Variants in FBXL17 observed in about 807,000 individuals in gnomAD.
The protein encoded by FBXL17 is F-box/LRR-repeat protein 17.
In FBXL17, 22 loss-of-function variants were observed where a neutral mutation model predicts 66.2. The observed-to-expected ratio is 0.33, with a 90% CI of 0.24 to 0.47. The LOEUF (loss-of-function observed/expected upper bound fraction) is 0.47, where lower values mean the gene tolerates loss of function less well. Among genes scored for constraint, FBXL17 ranks in the 20% least tolerant of loss-of-function variants. The pLI, the probability that FBXL17 is intolerant of heterozygous loss-of-function variation, is 1.00. For missense variants in FBXL17, 878 were observed against 948.2 expected, an observed-to-expected ratio of 0.93 and a Z score of 0.97; for synonymous variants, 474 against 400.5, an observed-to-expected ratio of 1.18 and a Z score of -2.19.
chr5:108,127,860 GAAT>G (rs879328141), intron 6 of FBXL17, among the ~76,000 whole-genome samples: 7 of 152,106 alleles, frequency 4.6e-5, no homozygotes, highest in Admixed American at 2.6e-4. Context: ...CAAAATCTTT[GAAT>G]AATAACCCCC....
chr5:108,374,437 C>T (rs1025889261), intron 1 of FBXL17, among the ~76,000 whole-genome samples: 1 of 151,984 alleles, frequency 6.6e-6, no homozygotes, highest in Non-Finnish European at 1.5e-5. Flanking sequence ...TTTGGGAGGC[C>T]GAGGGAGGCA....
chr5:108,210,421 C>A (rs192999298), intron 5 of FBXL17, among the ~76,000 whole-genome samples: 3 of 152,286 alleles, frequency 2.0e-5, no homozygotes, highest in Admixed American at 2.0e-4. Context: ...AATTTTAGAT[C>A]TTTCCTGCTT....
At chr5:108,203,779 A>G (rs1753997059) in intron 5 of FBXL17, among the ~76,000 whole-genome samples, 1 of 152,176 alleles carries the variant, frequency 6.6e-6, no homozygotes, top group Admixed American at 6.6e-5. Context: ...TTAAAAGGCA[A>G]GAAAGTTAAT....
At chr5:107,966,627 G>C (rs564918848) in intron 7 of FBXL17, among the ~76,000 whole-genome samples, 1 of 151,996 alleles carries the variant, frequency 6.6e-6, no homozygotes, top group Non-Finnish European at 1.5e-5. Context: ...ATTTTTGTTC[G>C]ACCTCACTTC....
intron 6 of FBXL17, among the ~76,000 whole-genome samples, chr5:108,116,710 A>G (rs1269296132): frequency 6.7e-6 from 1 of 149,056 alleles, no homozygotes; most frequent in African/African-American, 2.5e-5. Context: ...GAATGGGATG[A>G]TAGATGAATA....
chr5:108,078,107 A>T (rs532944156), intron 6 of FBXL17, among the ~76,000 whole-genome samples: 28 of 152,340 alleles, frequency 1.8e-4, no homozygotes, highest in Non-Finnish European at 1.9e-4. Flanking sequence ...TTCTACAGAA[A>T]TGCCTCTTGT....
intron 6 of FBXL17, among the ~76,000 whole-genome samples, chr5:108,129,897 T>C (rs1750864808): frequency 6.6e-6 from 1 of 150,926 alleles, no homozygotes; most frequent in East Asian, 1.9e-4. Context: ...TTAATCTAAA[T>C]AACCCATTTT....
At chr5:108,002,551 A>G (rs1362574262) in intron 7 of FBXL17, among the ~76,000 whole-genome samples, 1 of 152,228 alleles carries the variant, frequency 6.6e-6, no homozygotes, top group Non-Finnish European at 1.5e-5. Flanking sequence ...AAATGAGAAC[A>G]CGTGTTCAAA....
chr5:108,234,319 G>C (rs948385967), intron 4 of FBXL17, among the ~76,000 whole-genome samples: 2 of 152,116 alleles, frequency 1.3e-5, no homozygotes, highest in African/African-American at 4.8e-5. Context: ...CTTAACGTGT[G>C]CCCAGCTAAG....
At chr5:108,005,263 C>T (rs1050714614) in intron 7 of FBXL17, among the ~76,000 whole-genome samples, 1 of 152,014 alleles carries the variant, frequency 6.6e-6, no homozygotes, top group South Asian at 2.1e-4. Flanking sequence ...CTGGACGATA[C>T]GTAAAGTATC....
At chr5:107,968,284 G>C (rs1378904161) in intron 7 of FBXL17, among the ~76,000 whole-genome samples, 1 of 152,090 alleles carries the variant, frequency 6.6e-6, no homozygotes, top group East Asian at 1.9e-4. Flanking sequence ...TTTGAACACA[G>C]ATCCAGTGCT....
intron 2 of FBXL17, among the ~76,000 whole-genome samples, chr5:108,367,506 C>A (rs1211829626): frequency 6.6e-6 from 1 of 151,878 alleles, no homozygotes; most frequent in Non-Finnish European, 1.5e-5. Context: ...AAATGTTTGC[C>A]ATCATTTTCT....
intron 3 of FBXL17, among the ~76,000 whole-genome samples, chr5:108,355,594 A>C (rs1747937761): frequency 2.0e-5 from 3 of 152,114 alleles, no homozygotes; most frequent in African/African-American, 7.2e-5. Context: ...GAAAACTTTA[A>C]AATATTTTGT....
intron 6 of FBXL17, among the ~76,000 whole-genome samples, chr5:108,052,112 CAAAAAAA>C (rs144705189): frequency 3.8e-4 from 39 of 102,188 alleles, no homozygotes; most frequent in African/African-American, 1.0e-3. Context: ...GACTTCGTCT[CAAAAAAA>C]AAAAAAAAAA....
Position 108,291,176 on chromosome 5 carries a change from A to G in FBXL17, c.1506+57223T>C, listed in dbSNP as rs2941701. On this transcript the variant is annotated intron_variant, in intron 4 of 8. Transcript: ENST00000542267. ...GAAATAAATGATATGAGTGGCAATG[A>G]TATCAAAACAATTATTGTCACCCAC... Among the ~76,000 whole-genome samples, 5 of 152,314 alleles carry G rather than the reference A, an allele frequency of 3.3e-5. No individual in the cohort carries two copies. In the East Asian group the frequency reaches 5.8e-4, roughly 18 times the overall value.
At chr5:108,089,166 C>T (rs558572588) in intron 6 of FBXL17, among the ~76,000 whole-genome samples, 1 of 152,278 alleles carries the variant, frequency 6.6e-6, no homozygotes, top group Admixed American at 6.5e-5. Flanking sequence ...TATCATAAAA[C>T]GAAATGCTCT....
At chr5:108,372,119 G>A (rs1749080884) in intron 1 of FBXL17, among the ~76,000 whole-genome samples, 1 of 152,150 alleles carries the variant, frequency 6.6e-6, no homozygotes, top group Non-Finnish European at 1.5e-5. Flanking sequence ...TCCTGTCCAA[G>A]TGCCACCAAA....
At chr5:108,321,180 T>C (rs1759602838) in intron 4 of FBXL17, among the ~76,000 whole-genome samples, 1 of 151,860 alleles carries the variant, frequency 6.6e-6, no homozygotes, top group Admixed American at 6.6e-5. Flanking sequence ...CATGCACTTA[T>C]TGCTGTAGTA....
Position 108,348,588 on chromosome 5 carries a change from AG to A in FBXL17, c.1375-59del, listed in dbSNP as rs1747430596. 6.5e-6 allele frequency: 10 copies of A among 1,545,244 alleles called. No homozygotes were observed. In the Admixed American group the frequency reaches 1.5e-4, roughly 23 times the overall value. On this transcript the variant is annotated intron_variant, in intron 3 of 8. Coordinates refer to ENST00000542267, the MANE Select transcript of FBXL17 (RefSeq NM_001163315.3). ...AAAATAACAAAGGCAACATATTTCAAGTGAGATTTTCATATAATTTTTTGAA... is the reference window on the plus strand; with the variant it reads ...AAAATAACAAAGGCAACATATTTCAATGAGATTTTCATATAATTTTTTGAA...
Sources: gnomAD v4.1 joint callset for allele counts (sites outside exome capture counted in the v4.1 genomes callset) on GRCh38, gnomAD v4.1.1 for gene constraint, MANE v1.5 for transcripts, NCBI Gene and HGNC (gene_info 2026-07-23, HGNC 2026-07-21) for gene names.